The following NRIP1 variants were observed in gnomAD, a reference collection of about 807,000 sequenced individuals.
NRIP1 encodes the protein nuclear receptor-interacting protein 1.
Under a neutral mutation model 75.0 loss-of-function variants are expected in NRIP1, and 28 were observed. The ratio of observed to expected loss-of-function variants is 0.37; its 90% CI spans 0.28 to 0.51. The LOEUF is 0.51. NRIP1 is among the 20% of genes least tolerant of loss of function. NRIP1 has a pLI of 0.92. For missense variants in NRIP1, 1,435 were observed against 1,343.7 expected (o/e 1.07, Z -1.06); for synonymous variants, 526 against 487.6 (o/e 1.08, Z -1.04).
At chr21:14,985,303 G>A (rs1280942465) in intron 3 of NRIP1, among the ~76,000 whole-genome samples, 1 of 152,158 alleles carries the variant, frequency 6.6e-6, no homozygotes, top group African/African-American at 2.4e-5. Flanking sequence ...ATATGACAAT[G>A]TTATTTAAAA....
chr21:15,062,079 T>C (rs2089435240), intron 1 of NRIP1, among the ~76,000 whole-genome samples: 1 of 152,236 alleles, frequency 6.6e-6, no homozygotes. Flanking sequence ...TCTGTTCAAC[T>C]GGTATTTAAT....
At chr21:14,994,203 C>T (rs1403828751) in intron 3 of NRIP1, among the ~76,000 whole-genome samples, 2 of 152,204 alleles carry the variant, frequency 1.3e-5, no homozygotes, top group African/African-American at 4.8e-5. Context: ...CAGCTCACTG[C>T]AACCTCCGCC....
At chr21:15,005,612 C>G (rs879940710) in intron 3 of NRIP1, among the ~76,000 whole-genome samples, 1 of 152,118 alleles carries the variant, frequency 6.6e-6, no homozygotes, top group Non-Finnish European at 1.5e-5. Flanking sequence ...CATCTTAAAT[C>G]TCTTCAAAGG....
chr21:15,023,914 A>C (rs537371267), intron 2 of NRIP1, among the ~76,000 whole-genome samples: 1 of 152,354 alleles, frequency 6.6e-6, no homozygotes, highest in South Asian at 2.1e-4. Context: ...TACACTTTAG[A>C]TCTCCAGAGA....
At chr21:15,006,459 C>T (rs1022703051) in intron 3 of NRIP1, among the ~76,000 whole-genome samples, 8 of 152,100 alleles carry the variant, frequency 5.3e-5, no homozygotes, top group African/African-American at 1.9e-4. Context: ...AATAAATAGT[C>T]TGGTGGAACA....
chr21:14,966,414 A>G lies in NRIP1; in HGVS notation c.1779T>C (p.Asn593=), dbSNP rs1244020372. ...VCSTQSEKLT[N]TASNHSMDLT... is the part of the protein sequence containing the mutation. ...GGTCCATTGAGTGGTTAGATGCAGT[A>G]TTTGTTAGCTTTTCAGACTGAGTAC... is the stretch of plus-strand genomic sequence containing the variant. Residue 593 remains asparagine (N), a synonymous_variant, in exon 4 of 4, where the codon AAT becomes AAC. Coordinates refer to ENST00000318948, the MANE Select transcript of NRIP1 (RefSeq NM_003489.4). 1.2e-6 allele frequency: 2 copies of G among 1,613,928 alleles called. No homozygotes were observed. Among genetic ancestry groups the G allele is most frequent in the Non-Finnish European group, 1.7e-6 (2 of 1,179,970 alleles).
chr21:15,013,867 A>C (rs2088166026), intron 3 of NRIP1, among the ~76,000 whole-genome samples: 1 of 152,248 alleles, frequency 6.6e-6, no homozygotes, highest in Non-Finnish European at 1.5e-5. Context: ...CACAATAATC[A>C]AACATGCTTC....
intron 3 of NRIP1, among the ~76,000 whole-genome samples, chr21:15,011,800 A>G (rs1293876273): frequency 6.6e-6 from 1 of 152,214 alleles, no homozygotes; most frequent in Admixed American, 6.5e-5. Context: ...ACTGAGATAA[A>G]CAGCACAGAA....
intron 3 of NRIP1, among the ~76,000 whole-genome samples, chr21:14,997,057 A>G (rs929385231): frequency 6.6e-6 from 1 of 152,192 alleles, no homozygotes; most frequent in African/African-American, 2.4e-5. Context: ...TCCTGAGAAA[A>G]GCACTGTGTT....
chr21:15,064,349 G>A (rs549257519), intron 1 of NRIP1, among the ~76,000 whole-genome samples: 59 of 152,348 alleles, frequency 3.9e-4, no homozygotes, highest in East Asian at 2.3e-3. Flanking sequence ...GATCCGGCTG[G>A]ACAGCAGGAC....
intron 3 of NRIP1, among the ~76,000 whole-genome samples, chr21:14,983,675 G>A (rs1387785506): frequency 6.6e-6 from 1 of 152,180 alleles, no homozygotes; most frequent in Non-Finnish European, 1.5e-5. Flanking sequence ...AGCTTCAAAG[G>A]AAAGACTGAC....
chr21:14,981,708 T>C (rs541241931), intron 3 of NRIP1, among the ~76,000 whole-genome samples: 1 of 152,232 alleles, frequency 6.6e-6, no homozygotes, highest in Non-Finnish European at 1.5e-5. Flanking sequence ...TTTAATAAAA[T>C]TAAATCACTT....
At chr21:15,021,401 G>A (rs2088370199) in intron 2 of NRIP1, among the ~76,000 whole-genome samples, 1 of 152,150 alleles carries the variant, frequency 6.6e-6, no homozygotes, top group South Asian at 2.1e-4. Flanking sequence ...ACCTCCTGGG[G>A]CAGGAGAGGA....
chr21:15,041,494 ACTT>A lies in NRIP1; in HGVS notation c.-458+1998_-458+2000del, dbSNP rs554725106. ...AGGAGGTTTTGTATAAAAATAAGAA[ACTT>A]CTTCTTAAAAGGACCTTATGCATTA... On this transcript the variant is annotated intron_variant, in intron 2 of 3. Transcript: ENST00000318948. Among the ~76,000 whole-genome samples the A allele has an allele frequency of 3.3e-3, 503 of 152,246 alleles. 2 individuals are homozygous for A. The highest frequency in any genetic ancestry group is 7.6e-3 in the Admixed American group (116 of 15,286).
At chr21:15,030,995 A>ACTCG (rs2088658954) in intron 2 of NRIP1, among the ~76,000 whole-genome samples, 1 of 125,594 alleles carries the variant, frequency 8.0e-6, no homozygotes, top group Non-Finnish European at 1.8e-5. Context: ...GAAGGTGTTC[A>ACTCG]GAGGTTCACC....
At chr21:14,991,701 T>C (rs1240870502) in intron 3 of NRIP1, among the ~76,000 whole-genome samples, 1 of 152,192 alleles carries the variant, frequency 6.6e-6, no homozygotes, top group East Asian at 1.9e-4. Context: ...AATAAAATTA[T>C]TTGCATAAAT....
At chr21:15,017,654 T>C (rs2088268946) in intron 2 of NRIP1, among the ~76,000 whole-genome samples, 1 of 152,198 alleles carries the variant, frequency 6.6e-6, no homozygotes, top group Admixed American at 6.5e-5. Flanking sequence ...CAAATCCCAG[T>C]ATTTTGGAAA....
chr21:14,968,258 G>C lies in NRIP1; in HGVS notation c.-66C>G, dbSNP rs2086815804. 3.7e-6 allele frequency: 4 copies of C among 1,093,156 alleles called. No homozygotes were observed. Among genetic ancestry groups the C allele is most frequent in the Non-Finnish European group, 4.0e-6 (3 of 751,242 alleles). 67.7% of individuals were successfully genotyped at this position (1,093,156 alleles called of 1,614,324 possible). A position where few individuals can be genotyped will look rare whatever the true frequency, so the allele number is the denominator to read the frequency against. ...TTTAAAGAATGGTTTTCTGTGGTGA[G>C]TGCGATGTAACTTTAATAAAGGAGT... On this transcript the variant is annotated 5_prime_UTR_variant, in exon 4 of 4. Transcript: ENST00000318948.
chr21:15,030,605 ATAG>A (rs1485026124), intron 2 of NRIP1, among the ~76,000 whole-genome samples: 1 of 152,260 alleles, frequency 6.6e-6, no homozygotes, highest in African/African-American at 2.4e-5. Context: ...CAGTACAAAT[ATAG>A]AGTTCTAATA....
Sources: gnomAD v4.1 joint callset for allele counts (sites outside exome capture counted in the v4.1 genomes callset) on GRCh38, gnomAD v4.1.1 for gene constraint, MANE v1.5 for transcripts, NCBI Gene and HGNC (gene_info 2026-07-23, HGNC 2026-07-21) for gene names.